RBBP8: variants seen among roughly 807,000 people sequenced by gnomAD.
RBBP8 encodes DNA endonuclease RBBP8.
Under a neutral mutation model 108.3 loss-of-function variants are expected in RBBP8, and 88 were observed. That is an observed-to-expected ratio of 0.81 (90% CI 0.68 to 0.97). The LOEUF (loss-of-function observed/expected upper bound fraction) is 0.97, where lower values mean the gene tolerates loss of function less well. Among genes scored for constraint, RBBP8 ranks in the 50% least tolerant of loss-of-function variants. The pLI is 0.00. For synonymous variants in RBBP8, 332 were observed against 348.2 expected (o/e 0.95, Z 0.52); for missense variants, 1,023 against 1,049.0 (o/e 0.98, Z 0.34).
intron 9 of RBBP8, among the ~76,000 whole-genome samples, chr18:22,990,426 T>C (rs1915602002): frequency 6.6e-6 from 1 of 152,246 alleles, no homozygotes; most frequent in Non-Finnish European, 1.5e-5. Context: ...CATCTTAATG[T>C]TGTTTTTTGG....
At chr18:23,007,076 A>G (rs1300482339) in intron 16 of RBBP8, among the ~76,000 whole-genome samples, 1 of 146,896 alleles carries the variant, frequency 6.8e-6, no homozygotes, top group East Asian at 2.0e-4. Context: ...GCTGGAGTAC[A>G]GTGGCGCAAT....
chr18:22,916,753 C>A (rs929710843), intron 2 of RBBP8, among the ~76,000 whole-genome samples: 3 of 152,040 alleles, frequency 2.0e-5, no homozygotes, highest in African/African-American at 7.2e-5. Context: ...CTGATGAAAG[C>A]CTCACATTCT....
intron 2 of RBBP8, among the ~76,000 whole-genome samples, chr18:22,915,850 T>C (rs909289341): frequency 2.6e-5 from 4 of 152,138 alleles, no homozygotes; most frequent in African/African-American, 9.6e-5. Flanking sequence ...GAAAGCTATT[T>C]AAGAACTAGA....
At chr18:23,007,005 G>A (rs1432500777) in intron 16 of RBBP8, among the ~76,000 whole-genome samples, 1 of 148,952 alleles carries the variant, frequency 6.7e-6, no homozygotes, top group Admixed American at 6.7e-5. Context: ...GCGTGTGCAT[G>A]TGTGTGTGTG....
intron 3 of RBBP8, among the ~76,000 whole-genome samples, chr18:22,922,454 T>G (rs975068326): frequency 2.0e-5 from 3 of 151,906 alleles, no homozygotes; most frequent in African/African-American, 7.3e-5. Context: ...TAATAACAGA[T>G]ATTATTTTAT....
chr18:22,947,412 A>C (rs1911656601), intron 3 of RBBP8, among the ~76,000 whole-genome samples: 1 of 151,994 alleles, frequency 6.6e-6, no homozygotes, highest in African/African-American at 2.4e-5. Context: ...AGTAATGAAA[A>C]AATTGTTGAA....
chr18:22,991,384 G>A lies in RBBP8; in HGVS notation c.920+335G>A, dbSNP rs532172381. ...GATGTTCTACAAAATGCATCTAGAA[G>A]CTTGGATGAGCTTCCAAGATTGTGT... On this transcript the variant is annotated intron_variant, in intron 10 of 18. Coordinates refer to ENST00000327155, the MANE Select transcript of RBBP8 (RefSeq NM_002894.3). Among the ~76,000 whole-genome samples the A allele has an allele frequency of 2.0e-5, 3 of 152,288 alleles. No individual in the cohort carries two copies. The East Asian group carries it at 5.8e-4, about 29-fold the overall frequency.
chr18:22,925,797 G>C (rs1004927828), intron 3 of RBBP8, among the ~76,000 whole-genome samples: 1 of 152,066 alleles, frequency 6.6e-6, no homozygotes, highest in Non-Finnish European at 1.5e-5. Flanking sequence ...TACTCCCACA[G>C]CTTGTATCAT....
intron 3 of RBBP8, among the ~76,000 whole-genome samples, chr18:22,922,311 A>T (rs1404356860): frequency 2.0e-5 from 3 of 151,378 alleles, no homozygotes; most frequent in Non-Finnish European, 4.4e-5. Context: ...ATGTGAGTTT[A>T]AAAAAAAATA....
chr18:22,923,456 G>A (rs1398127049), intron 3 of RBBP8, among the ~76,000 whole-genome samples: 1 of 152,072 alleles, frequency 6.6e-6, no homozygotes, highest in African/African-American at 2.4e-5. Context: ...TCTCCCAATA[G>A]GCAAGCTGCT....
chr18:23,011,998 C>T (rs556085016), intron 16 of RBBP8, among the ~76,000 whole-genome samples: 16 of 151,760 alleles, frequency 1.1e-4, no homozygotes, highest in African/African-American at 3.9e-4. Flanking sequence ...ATGAGCAAAT[C>T]GAGACCAGCC....
In RBBP8 at chr18:22,992,770, ACTC is replaced by A; in HGVS notation, c.950_952del (p.Pro317del). On this transcript the variant is annotated inframe_deletion, in exon 11 of 19. Coordinates refer to ENST00000327155, the MANE Select transcript of RBBP8 (RefSeq NM_002894.3). The stretch of plus-strand genomic sequence containing the variant: ...TAGATTTTCAGATTCTACTTCAAAG[ACTC>A]CTCCTCAAGAAGAATTACCTACTCG... 2 of 1,592,478 alleles carry A rather than the reference ACTC, an allele frequency of 1.3e-6. No individual in the cohort carries two copies. Among genetic ancestry groups the A allele is most frequent in the Non-Finnish European group, 1.7e-6 (2 of 1,161,074 alleles).
intron 4 of RBBP8, among the ~76,000 whole-genome samples, chr18:22,959,510 C>G (rs1034200249): frequency 6.6e-6 from 1 of 152,084 alleles, no homozygotes; most frequent in Non-Finnish European, 1.5e-5. Flanking sequence ...CTGCCACTTT[C>G]TCTATTTTTT....
At chr18:23,012,401 A>G (rs2046184271) in intron 16 of RBBP8, among the ~76,000 whole-genome samples, 1 of 152,186 alleles carries the variant, frequency 6.6e-6, no homozygotes, top group Admixed American at 6.5e-5. Flanking sequence ...AATGCAAAGG[A>G]AAGTTCTTGA....
rs116947887 is a variant in RBBP8, at chr18:22,970,428, G to A, written c.361+1510G>A. Among the ~76,000 whole-genome samples the A allele has an allele frequency of 5.3e-4, 80 of 152,158 alleles. 1 individual carries two copies. The East Asian group carries it at 0.014, about 26-fold the overall frequency. On this transcript the variant is annotated intron_variant, in intron 5 of 18. Coordinates refer to ENST00000327155, the MANE Select transcript of RBBP8 (RefSeq NM_002894.3). ...TCTAGGTGTTAAAGTATAAGACAAC[G>A]TTTTTTTAAATGGCTGCATTGTATG...
intron 2 of RBBP8, chr18:22,937,220 C>T: frequency 2.0e-6 from 1 of 494,374 alleles, no homozygotes; most frequent in Non-Finnish European, 3.4e-6. Flanking sequence ...GACCCTCCAC[C>T]CTCATGTAGG....
chr18:23,026,061 TAAGAG>T (rs1422275313), intron 18 of RBBP8, 77 bp from the exon 19 acceptor site: 10 of 1,086,866 alleles, frequency 9.2e-6, no homozygotes, highest in African/African-American at 1.6e-5. Context: ...AAGCATCAAA[TAAGAG>T]AAATGTTTAC....
intron 2 of RBBP8, among the ~76,000 whole-genome samples, chr18:22,916,466 C>A (rs1909361200): frequency 6.6e-6 from 1 of 151,938 alleles, no homozygotes; most frequent in Admixed American, 6.6e-5. Flanking sequence ...GGTTTCCTGA[C>A]TTCCACCAAG....
At chr18:22,936,317 A>T (rs113009369) in intron 1 of RBBP8, among the ~76,000 whole-genome samples, 81 of 145,424 alleles carry the variant, frequency 5.6e-4, no homozygotes, top group African/African-American at 2.1e-3. Context: ...GGCCAGGCTG[A>T]TCTCAAACTC....
Sources: gnomAD v4.1 joint callset for allele counts (sites outside exome capture counted in the v4.1 genomes callset) on GRCh38, gnomAD v4.1.1 for gene constraint, MANE v1.5 for transcripts, NCBI Gene and HGNC (gene_info 2026-07-23, HGNC 2026-07-21) for gene names.